PLGRKT: variants seen among roughly 807,000 people sequenced by gnomAD.
PLGRKT encodes plasminogen receptor (KT).
PLGRKT carries 22 observed loss-of-function variants against 18.5 expected under a neutral mutation model. That is an observed-to-expected ratio of 1.19 (90% CI 0.85 to 1.70). The LOEUF (loss-of-function observed/expected upper bound fraction) is 1.70. Among genes scored for constraint, PLGRKT ranks in the 40% most tolerant of loss-of-function variants. The probability of loss-of-function intolerance (pLI) is 0.00; values close to 1 mark genes in which losing one functional copy is unlikely to be tolerated. For missense variants in PLGRKT, 235 were observed against 174.4 expected (o/e 1.35, Z -1.96); for synonymous variants, 72 against 52.8 (o/e 1.36, Z -1.58).
rs1350956013 is a variant in PLGRKT, at chr9:5,358,354, G to C, written c.329C>G (p.Ala110Gly). Reference sequence around the variant, plus strand: ...CTTTTCTGTTTCCAGTATGTCCTCAGCTTCACCTTAAATAAAGTACAGAAA... The same window carrying C: ...CTTTTCTGTTTCCAGTATGTCCTCACCTTCACCTTAAATAAAGTACAGAAA... ...GTLLERMKGE[A>G]EDILETEKSK... Residue 110 changes from alanine to glycine, a missense_variant, in exon 6 of 6, where the codon GCT becomes GGT. Coordinates refer to ENST00000223864, the MANE Select transcript of PLGRKT (RefSeq NM_018465.4). 6.2e-7 allele frequency: 1 copy of C among 1,612,518 alleles called. No homozygotes were observed. The highest frequency in any genetic ancestry group is 8.5e-7 in the Non-Finnish European group (1 of 1,179,146).
At chr9:5,382,749 T>C (rs1031758824) in intron 3 of PLGRKT, among the ~76,000 whole-genome samples, 3 of 152,152 alleles carry the variant, frequency 2.0e-5, no homozygotes, top group African/African-American at 7.2e-5. Context: ...TGAACACAGG[T>C]AGACCCACTA....
intron 3 of PLGRKT, among the ~76,000 whole-genome samples, chr9:5,409,712 G>C (rs1003203763): frequency 1.3e-5 from 2 of 152,200 alleles, no homozygotes; most frequent in Non-Finnish European, 2.9e-5. Flanking sequence ...GTGTGCGCTG[G>C]ATGTGGGACA....
intron 3 of PLGRKT, chr9:5,382,110 C>T (rs1430910563): frequency 1.0e-5 from 7 of 672,162 alleles, no homozygotes; most frequent in Non-Finnish European, 1.3e-5. Context: ...TATAATAAAT[C>T]GTTGGAAAAT....
At chr9:5,425,018 G>C (rs150422745) in intron 3 of PLGRKT, among the ~76,000 whole-genome samples, 19 of 152,146 alleles carry the variant, frequency 1.2e-4, no homozygotes, top group African/African-American at 4.3e-4. Flanking sequence ...TAGATCTCAT[G>C]CATTTTTAAA....
At chr9:5,360,341 C>G (rs186926370) in intron 5 of PLGRKT, among the ~76,000 whole-genome samples, 1 of 152,262 alleles carries the variant, frequency 6.6e-6, no homozygotes, top group East Asian at 1.9e-4. Flanking sequence ...AAGGGCCAGA[C>G]AGTAAATATT....
intron 3 of PLGRKT, among the ~76,000 whole-genome samples, chr9:5,393,728 T>A (rs908215681): frequency 1.5e-4 from 23 of 151,902 alleles, no homozygotes; most frequent in African/African-American, 5.6e-4. Context: ...AAGCTGGGAA[T>A]AAGGACGAGC....
At position 5,406,879 on chromosome 9, in the gene PLGRKT, T is replaced by C. The variant is rs1818267935; in HGVS notation, c.81+25018A>G. Among the ~76,000 whole-genome samples, 3 of 152,200 alleles carry C rather than the reference T, an allele frequency of 2.0e-5. No individual in the cohort carries two copies. The South Asian group carries it at 6.2e-4, about 32-fold the overall frequency. On this transcript the variant is annotated intron_variant, in intron 3 of 5. Transcript: ENST00000223864. Reference sequence around the variant, plus strand: ...AAAAACCACTTGTACCCAAAAGCTATTGAAATTTTTAAAAATATTAAAAAT... The same window carrying C: ...AAAAACCACTTGTACCCAAAAGCTACTGAAATTTTTAAAAATATTAAAAAT...
Position 5,402,477 on chromosome 9 carries a change from C to G in PLGRKT, c.81+29420G>C, listed in dbSNP as rs547241245. Among the ~76,000 whole-genome samples, 47 of 152,036 alleles carry G rather than the reference C, an allele frequency of 3.1e-4. 1 individual carries two copies. Among genetic ancestry groups the G allele is most frequent in the African/African-American group, 1.1e-3 (44 of 41,316 alleles). On this transcript the variant is annotated intron_variant, in intron 3 of 5. Coordinates refer to ENST00000223864, the MANE Select transcript of PLGRKT (RefSeq NM_018465.4). ...GTGGCTTAGGAACCCACTGCCATAG[C>G]CAGACCACATACCTAAACTCACTGT...
intron 3 of PLGRKT, among the ~76,000 whole-genome samples, chr9:5,385,706 G>A (rs912428908): frequency 4.0e-5 from 6 of 151,892 alleles, no homozygotes; most frequent in African/African-American, 1.5e-4. Flanking sequence ...TGGTGGAAAG[G>A]AAAGGAAAGC....
chr9:5,420,582 C>G lies in PLGRKT; in HGVS notation c.81+11315G>C, dbSNP rs558179828. Among the ~76,000 whole-genome samples, 29 of 152,234 alleles carry G rather than the reference C, an allele frequency of 1.9e-4. 2 individuals carry two copies. The South Asian group carries it at 5.6e-3, about 29-fold the overall frequency. On this transcript the variant is annotated intron_variant, in intron 3 of 5. Coordinates refer to ENST00000223864, the MANE Select transcript of PLGRKT (RefSeq NM_018465.4). ...AGTCATGCATGTACACCCACTCCCT[C>G]GGTGAACTTGTGTTGGCCATGCTGC...
intron 3 of PLGRKT, among the ~76,000 whole-genome samples, chr9:5,414,736 G>A (rs374573025): frequency 1.3e-5 from 2 of 152,180 alleles, no homozygotes; most frequent in African/African-American, 2.4e-5. Flanking sequence ...TCTCACAGGG[G>A]TACGTACTGG....
chr9:5,408,747 C>G (rs1818304760), intron 3 of PLGRKT, among the ~76,000 whole-genome samples: 1 of 152,252 alleles, frequency 6.6e-6, no homozygotes, highest in Non-Finnish European at 1.5e-5. Flanking sequence ...AGCAGCCCCT[C>G]CCATCACAGG....
chr9:5,410,237 T>C (rs1017736641), intron 3 of PLGRKT, among the ~76,000 whole-genome samples: 5 of 151,936 alleles, frequency 3.3e-5, no homozygotes, highest in Non-Finnish European at 7.4e-5. Context: ...ACTCAAGACA[T>C]AGAAATTAAC....
intron 1 of PLGRKT, among the ~76,000 whole-genome samples, chr9:5,437,255 T>C (rs1818978065): frequency 6.6e-6 from 1 of 152,206 alleles, no homozygotes; most frequent in African/African-American, 2.4e-5. Context: ...TGGGGGGACA[T>C]AAAAAATTAA....
At chr9:5,413,485 C>T (rs925693666) in intron 3 of PLGRKT, among the ~76,000 whole-genome samples, 1 of 151,992 alleles carries the variant, frequency 6.6e-6, no homozygotes, top group Non-Finnish European at 1.5e-5. Context: ...TCACAAGGGT[C>T]CTAAAAGTGA....
At chr9:5,382,143 A>G in intron 3 of PLGRKT, 1 of 395,450 alleles carries the variant, frequency 2.5e-6, no homozygotes, top group Non-Finnish European at 3.4e-6. Context: ...ATGACTCTCT[A>G]TTCATTCCCT....
At chr9:5,375,418 G>T (rs1477881540) in intron 3 of PLGRKT, among the ~76,000 whole-genome samples, 1 of 152,044 alleles carries the variant, frequency 6.6e-6, no homozygotes, top group Admixed American at 6.6e-5. Flanking sequence ...TTCAGTTTGG[G>T]GGAAGACAAT....
chr9:5,388,126 G>C (rs1586718233), intron 3 of PLGRKT, among the ~76,000 whole-genome samples: 2 of 151,810 alleles, frequency 1.3e-5, no homozygotes, highest in South Asian at 4.1e-4. Context: ...AATGCCCCAG[G>C]AAGCGAGTAT....
chr9:5,416,439 A>C (rs1402447100), intron 3 of PLGRKT, among the ~76,000 whole-genome samples: 1 of 152,206 alleles, frequency 6.6e-6, no homozygotes, highest in Non-Finnish European at 1.5e-5. Context: ...ATGTATAAAG[A>C]AGGCAAAAAC....
Sources: allele counts gnomAD v4.1 joint callset (sites outside exome capture counted in the v4.1 genomes callset), GRCh38; gene constraint gnomAD v4.1.1; transcripts MANE v1.5; gene names NCBI Gene and HGNC (gene_info 2026-07-23, HGNC 2026-07-21).